RGS3: variants seen among roughly 807,000 people sequenced by gnomAD.
RGS3 encodes regulator of G-protein signalling 3.
RGS3 carries 80 observed loss-of-function variants against 132.6 expected under a neutral mutation model. The observed-to-expected ratio is 0.60, with a 90% CI of 0.50 to 0.73. The LOEUF (loss-of-function observed/expected upper bound fraction) is 0.73. Among genes scored for constraint, RGS3 ranks in the 30% least tolerant of loss-of-function variants. RGS3 has a pLI of 0.00. For missense variants in RGS3, 1,382 were observed against 1,530.8 expected, an observed-to-expected ratio of 0.90 and a Z score of 1.62; for synonymous variants, 598 against 620.6, an observed-to-expected ratio of 0.96 and a Z score of 0.54.
intron 7 of RGS3, 109 bp from the exon 6 acceptor site, chr9:113,495,677 A>G: frequency 2.3e-6 from 2 of 859,922 alleles, no homozygotes; most frequent in African/African-American, 1.6e-5. Context: ...GTGGGTAAAA[A>G]GCTTTGTAAA....
At chr9:113,585,975 G>C (rs1358116963) in intron 20 of RGS3, among the ~76,000 whole-genome samples, 1 of 152,200 alleles carries the variant, frequency 6.6e-6, no homozygotes, top group Non-Finnish European at 1.5e-5. Flanking sequence ...TCACACTGTG[G>C]TGTGCTCCGG....
intron 7 of RGS3, 141 bp downstream of exon 5, chr9:113,485,834 C>A: frequency 1.6e-6 from 1 of 619,580 alleles, no homozygotes; most frequent in South Asian, 1.9e-5. Flanking sequence ...CAGAGGCTGC[C>A]CCTCCTTGAG....
exon 20 of RGS3, chr9:113,584,349 C>A: frequency 6.3e-7 from 1 of 1,581,340 alleles, no homozygotes. Flanking sequence ...TGCCTTCGCC[C>A]AGCACCCTCA....
In RGS3 at chr9:113,596,819, G is replaced by A. The variant is rs199640312; in HGVS notation, c.3463G>A (p.Val1155Ile). The A allele has an allele frequency of 1.2e-4, 195 of 1,613,618 alleles. No homozygotes were observed. In the East Asian group the frequency reaches 2.4e-3, roughly 20 times the overall value. Residue 1155 changes from valine (V) to isoleucine (I), a missense_variant, in exon 25 of 25, where the codon GTC becomes ATC. Val to Ile is a conservative substitution (Grantham distance 29, BLOSUM62 3). Transcript: ENST00000350696. ...GCACACCAAGGACAACCTGCAGAGCGTCACGCGGGGCTGCTTCGACCTGGC... is the reference window on the plus strand; with the variant it reads ...GCACACCAAGGACAACCTGCAGAGCATCACGCGGGGCTGCTTCGACCTGGC...
At chr9:113,597,190 G>C (rs1159462974) in exon 25 of RGS3, 2 of 448,892 alleles carry the variant, frequency 4.5e-6, no homozygotes, top group African/African-American at 4.0e-5. Flanking sequence ...CCAAGACCCT[G>C]GCAGGTCAGG....
exon 10 of RGS3, chr9:113,498,053 G>A (rs1200349821): frequency 6.2e-7 from 1 of 1,614,040 alleles, no homozygotes; most frequent in South Asian, 1.1e-5. Context: ...CAGGAGGTGG[G>A]GACACTGAGA....
chr9:113,573,908 A>T (rs1834396707), intron 19 of RGS3, among the ~76,000 whole-genome samples: 1 of 152,218 alleles, frequency 6.6e-6, no homozygotes, highest in Non-Finnish European at 1.5e-5. Flanking sequence ...ATCACAGAGG[A>T]GTAGAAAGAG....
chr9:113,548,635 A>G (rs926943320), intron 19 of RGS3, among the ~76,000 whole-genome samples: 6 of 152,200 alleles, frequency 3.9e-5, no homozygotes, highest in African/African-American at 1.4e-4. Flanking sequence ...ATGGAGTCAC[A>G]TAATTCCATC....
chr9:113,457,618 TG>T (rs1829392080), upstream of RGS3, among the ~76,000 whole-genome samples: 1 of 152,200 alleles, frequency 6.6e-6, no homozygotes, highest in Non-Finnish European at 1.5e-5. Flanking sequence ...CTGGGAGAGA[TG>T]GTATTCTATA....
chr9:113,539,384 G>A (rs1296584827), intron 19 of RGS3, among the ~76,000 whole-genome samples: 1 of 152,108 alleles, frequency 6.6e-6, no homozygotes, highest in African/African-American at 2.4e-5. Context: ...ATCTCAGCTC[G>A]CTGCAGCCTC....
At chr9:113,487,181 G>A (rs1352731914) in intron 7 of RGS3, among the ~76,000 whole-genome samples, 1 of 145,812 alleles carries the variant, frequency 6.9e-6, no homozygotes, top group African/African-American at 2.6e-5. Context: ...GCGCAATCTC[G>A]GCTCACTGCA....
intron 9 of RGS3, 32 bp downstream of exon 7, chr9:113,497,436 C>T (rs901819864): frequency 1.0e-5 from 16 of 1,568,012 alleles, no homozygotes; most frequent in Middle Eastern, 1.7e-4. Context: ...CTTCCCTTCC[C>T]AGGACCTGCC....
intron 19 of RGS3, among the ~76,000 whole-genome samples, chr9:113,572,512 T>TC: frequency 6.6e-6 from 1 of 151,714 alleles, no homozygotes; most frequent in East Asian, 2.0e-4. Flanking sequence ...AAAAAGCCTC[T>TC]TTTTTTTACT....
chr9:113,588,551 A>G (rs1463498662), intron 20 of RGS3, among the ~76,000 whole-genome samples: 2 of 152,250 alleles, frequency 1.3e-5, no homozygotes, highest in African/African-American at 4.8e-5. Context: ...CAGTTATCAA[A>G]CTGCCCTGGG....
intron 1 of RGS3, chr9:113,461,587 C>A: frequency 1.9e-6 from 2 of 1,033,538 alleles, no homozygotes; most frequent in Non-Finnish European, 2.8e-6. Flanking sequence ...AATCTTCCAA[C>A]TGAATATGTT....
rs974102729 is a variant in RGS3 at position 113,507,953 on chromosome 9, G to A, written c.1437+315G>A. ...AATGGGCTGCCTTGGTAGGTGGTGA[G>A]CCCCCATCATAGGAGGTATGAAAGC... On this transcript the variant is annotated intron_variant, in intron 13 of 24. Transcript: ENST00000350696. The surrounding 1 kb of genome is among the most constrained non-coding windows in gnomAD (Gnocchi z 5.0). 6.6e-6 allele frequency among the ~76,000 whole-genome samples: 1 copy of A among 152,158 alleles called. No homozygotes were observed. The highest frequency in any genetic ancestry group is 2.4e-5 in the African/African-American group (1 of 41,434).
intron 1 of RGS3, among the ~76,000 whole-genome samples, chr9:113,452,693 G>C (rs1829270788): frequency 6.6e-6 from 1 of 151,060 alleles, no homozygotes; most frequent in Non-Finnish European, 1.5e-5. Context: ...GCTTGAAGTT[G>C]TTCCATAGCT....
intron 4 of RGS3, 25 bp from the exon 3 acceptor site, chr9:113,483,034 C>T (rs760573846): frequency 2.0e-5 from 32 of 1,613,792 alleles, no homozygotes; most frequent in Non-Finnish European, 2.6e-5. Context: ...CATTCATCCA[C>T]CCCAATGTCT....
intron 3 of RGS3, among the ~76,000 whole-genome samples, chr9:113,478,229 T>C (rs532295257): frequency 1.9e-4 from 29 of 152,246 alleles, no homozygotes; most frequent in African/African-American, 6.5e-4. Context: ...CCTCCCTTCC[T>C]CCCTGCTCTT....
Sources: allele counts gnomAD v4.1 joint callset (sites outside exome capture counted in the v4.1 genomes callset), GRCh38; gene constraint gnomAD v4.1.1; non-coding constraint Gnocchi (gnomAD v3.1); transcripts MANE v1.5; gene names NCBI Gene and HGNC (gene_info 2026-07-23, HGNC 2026-07-21).